ZNF804B: variants seen among roughly 807,000 people sequenced by gnomAD.
ZNF804B encodes the protein zinc finger 804B.
A neutral mutation model predicts 101.4 loss-of-function variants in ZNF804B; 80 were observed. The ratio of observed to expected loss-of-function variants is 0.79; its 90% confidence interval spans 0.66 to 0.95. The LOEUF is 0.95. Among genes scored for constraint, ZNF804B ranks in the 40% least tolerant of loss-of-function variants. The probability of loss-of-function intolerance (pLI) is 0.00; values close to 1 mark genes in which losing one functional copy is unlikely to be tolerated. For synonymous variants in ZNF804B, 622 were observed against 558.8 expected (o/e 1.11, Z -1.59); for missense variants, 1,673 against 1,561.9 (o/e 1.07, Z -1.20).
intron 1 of ZNF804B, among the ~76,000 whole-genome samples, chr7:89,111,292 T>C (rs1384781608): frequency 6.6e-6 from 1 of 152,238 alleles, no homozygotes; most frequent in Non-Finnish European, 1.5e-5. Flanking sequence ...TATTTCACTT[T>C]GTAAGAAACT....
intron 1 of ZNF804B, among the ~76,000 whole-genome samples, chr7:88,839,747 T>C (rs903089899): frequency 2.1e-5 from 3 of 144,314 alleles, no homozygotes; most frequent in African/African-American, 8.4e-5. Flanking sequence ...AGCAGGTTCT[T>C]CACCGAGAGC....
chr7:89,237,986 C>T (rs1667127571), intron 2 of ZNF804B, among the ~76,000 whole-genome samples: 1 of 152,112 alleles, frequency 6.6e-6, no homozygotes, highest in Admixed American at 6.6e-5. Flanking sequence ...GCCCCTCTCA[C>T]AAATACTAGA....
intron 1 of ZNF804B, among the ~76,000 whole-genome samples, chr7:89,165,699 TAA>T (rs1203214861): frequency 6.6e-6 from 1 of 152,072 alleles, no homozygotes; most frequent in African/African-American, 2.4e-5. Flanking sequence ...AGATTTGGTT[TAA>T]AGAGTGTGAT....
At chr7:88,942,408 T>G (rs1793066825) in intron 1 of ZNF804B, among the ~76,000 whole-genome samples, 1 of 152,040 alleles carries the variant, frequency 6.6e-6, no homozygotes, top group African/African-American at 2.4e-5. Context: ...TGACTTTATA[T>G]GTATAAATGA....
intron 1 of ZNF804B, among the ~76,000 whole-genome samples, chr7:89,025,563 A>G (rs770108055): frequency 3.3e-5 from 5 of 152,144 alleles, no homozygotes; most frequent in African/African-American, 9.7e-5. Flanking sequence ...TTTTTAAAAA[A>G]CAAACTTATT....
chr7:88,905,367 T>G (rs1338331727), intron 1 of ZNF804B, among the ~76,000 whole-genome samples: 4 of 147,950 alleles, frequency 2.7e-5, no homozygotes, highest in East Asian at 2.0e-4. Context: ...TTGTTTTTTG[T>G]TTTTTTTTTA....
At chr7:89,188,927 G>A (rs117330600) in intron 1 of ZNF804B, among the ~76,000 whole-genome samples, 2,341 of 152,254 alleles carry the variant, frequency 0.015, 29 homozygotes, top group Non-Finnish European at 0.025. Context: ...ACTGCAGCAA[G>A]TGATCCAGAA....
rs539440419 is a variant in ZNF804B at position 89,229,367 on chromosome 7, A to C, written c.249+11072A>C. Among the ~76,000 whole-genome samples the C allele has an allele frequency of 1.6e-4, 25 of 152,356 alleles. 1 individual carries two copies. The South Asian group carries it at 5.2e-3, about 32-fold the overall frequency. ...CAAATATAAAGACCGATTAAAAGAA[A>C]ACTAATAGAGAAACATGCACCGTGA... On this transcript the variant is annotated intron_variant, in intron 2 of 3. Coordinates refer to ENST00000333190, the MANE Select transcript of ZNF804B (RefSeq NM_181646.5).
At chr7:89,137,316 A>G (rs1328602114) in intron 1 of ZNF804B, among the ~76,000 whole-genome samples, 1 of 152,084 alleles carries the variant, frequency 6.6e-6, no homozygotes, top group Admixed American at 6.6e-5. Flanking sequence ...TTGTTATAAA[A>G]AAGTATTACA....
chr7:89,126,575 A>C (rs1157666747), intron 1 of ZNF804B, among the ~76,000 whole-genome samples: 3 of 152,004 alleles, frequency 2.0e-5, no homozygotes, highest in Non-Finnish European at 4.4e-5. Flanking sequence ...ATTGAAAAAG[A>C]AGTACCAGAA....
At chr7:89,087,633 A>G (rs1371897982) in intron 1 of ZNF804B, among the ~76,000 whole-genome samples, 1 of 152,004 alleles carries the variant, frequency 6.6e-6, no homozygotes, top group African/African-American at 2.4e-5. Context: ...TGTCTGTTGA[A>G]CTTTACATAT....
chr7:89,000,569 T>C (rs564056395), intron 1 of ZNF804B, among the ~76,000 whole-genome samples: 1 of 152,022 alleles, frequency 6.6e-6, no homozygotes, highest in Non-Finnish European at 1.5e-5. Flanking sequence ...CACTGTGCTG[T>C]ATATTAGATC....
chr7:89,140,152 A>C (rs560447453), intron 1 of ZNF804B, among the ~76,000 whole-genome samples: 2 of 152,190 alleles, frequency 1.3e-5, no homozygotes, highest in South Asian at 4.1e-4. Context: ...TTATGAAATA[A>C]ATCTTTTTTC....
At chr7:89,106,488 G>A (rs139296317) in intron 1 of ZNF804B, among the ~76,000 whole-genome samples, 1 of 152,104 alleles carries the variant, frequency 6.6e-6, no homozygotes, top group African/African-American at 2.4e-5. Flanking sequence ...TTGATGGCTT[G>A]TGTAGAGAGA....
At chr7:88,798,900 G>A (rs564038646) in intron 1 of ZNF804B, among the ~76,000 whole-genome samples, 3 of 152,128 alleles carry the variant, frequency 2.0e-5, no homozygotes, top group Non-Finnish European at 2.9e-5. Context: ...GTCTGTCTAC[G>A]TATCTGGATA....
intron 1 of ZNF804B, among the ~76,000 whole-genome samples, chr7:88,935,902 C>G (rs1393452560): frequency 2.7e-5 from 4 of 150,624 alleles, no homozygotes; most frequent in African/African-American, 9.7e-5. Context: ...TTTCTTTTTT[C>G]TTTTCTCTTC....
At chr7:88,778,297 T>G (rs1790175106) in intron 1 of ZNF804B, among the ~76,000 whole-genome samples, 1 of 152,216 alleles carries the variant, frequency 6.6e-6, no homozygotes, top group Admixed American at 6.5e-5. Context: ...AAAAACTCTT[T>G]GCTTTAAATA....
At chr7:88,909,761 G>GT (rs564553640) in intron 1 of ZNF804B, among the ~76,000 whole-genome samples, 77 of 145,442 alleles carry the variant, frequency 5.3e-4, no homozygotes, top group South Asian at 2.2e-3. Context: ...TCATTTACAG[G>GT]TTTTTTTTTT....
rs946058751 is a variant in ZNF804B at position 89,337,601 on chromosome 7, T to C, written c.*569T>C. 1.2e-4 allele frequency among the ~76,000 whole-genome samples: 19 copies of C among 152,122 alleles called. 1 individual carries two copies. Among genetic ancestry groups the C allele is most frequent in the African/African-American group, 4.3e-4 (18 of 41,456 alleles). On this transcript the variant is annotated 3_prime_UTR_variant, in exon 4 of 4. Transcript: ENST00000333190. ...ATTTAGGTTGAAAATTACATTTTAATGAAAAACAATCTTTATAGATTATAC... is the reference window on the plus strand; with the variant it reads ...ATTTAGGTTGAAAATTACATTTTAACGAAAAACAATCTTTATAGATTATAC...
Sources: gnomAD v4.1 joint callset for allele counts (sites outside exome capture counted in the v4.1 genomes callset) on GRCh38, gnomAD v4.1.1 for gene constraint, MANE v1.5 for transcripts, NCBI Gene and HGNC (gene_info 2026-07-23, HGNC 2026-07-21) for gene names.